Variants in EHBP1 observed in about 807,000 individuals in gnomAD.
EHBP1 encodes EH domain-binding protein 1.
Under a neutral mutation model 144.0 loss-of-function variants are expected in EHBP1, and 55 were observed. That is an observed-to-expected ratio of 0.38 (90% CI 0.31 to 0.48). The LOEUF (loss-of-function observed/expected upper bound fraction) is 0.48. EHBP1 is among the 20% of genes least tolerant of loss of function. The pLI, the probability that EHBP1 is intolerant of heterozygous loss-of-function variation, is 0.98. For missense variants in EHBP1, 1,200 were observed against 1,364.2 expected (o/e 0.88, Z 1.90); for synonymous variants, 469 against 472.7 (o/e 0.99, Z 0.10).
intron 19 of EHBP1, among the ~76,000 whole-genome samples, chr2:63,019,146 T>C (rs1044462263): frequency 2.0e-5 from 3 of 152,168 alleles, no homozygotes; most frequent in Non-Finnish European, 4.4e-5. Context: ...GTTAAAAACA[T>C]AGATTCCCAA....
chr2:62,771,193 G>A (rs1393321118), intron 4 of EHBP1, 146 bp from the exon 5 acceptor site: 1 of 472,170 alleles, frequency 2.1e-6, no homozygotes, highest in Non-Finnish European at 3.7e-6. Flanking sequence ...TAAAAATAAT[G>A]CAAAAGAAAA....
intron 4 of EHBP1, among the ~76,000 whole-genome samples, chr2:62,766,813 C>T (rs1356023589): frequency 6.6e-6 from 1 of 151,932 alleles, no homozygotes; most frequent in Non-Finnish European, 1.5e-5. Context: ...ATTCATCATA[C>T]ATTTATTTGG....
intron 2 of EHBP1, among the ~76,000 whole-genome samples, chr2:62,746,654 G>T (rs1024922692): frequency 6.6e-6 from 1 of 151,912 alleles, no homozygotes; most frequent in African/African-American, 2.4e-5. Context: ...AAGTAATTGC[G>T]GTTTTAGTCG....
At chr2:62,765,739 C>T (rs2041127190) in intron 4 of EHBP1, among the ~76,000 whole-genome samples, 1 of 152,078 alleles carries the variant, frequency 6.6e-6, no homozygotes, top group South Asian at 2.1e-4. Context: ...TATTTTGATA[C>T]TAACTGTGCT....
At chr2:62,827,145 C>G (rs546723863) in intron 6 of EHBP1, among the ~76,000 whole-genome samples, 1 of 152,288 alleles carries the variant, frequency 6.6e-6, no homozygotes. Flanking sequence ...ACTGATTAGA[C>G]TGGATTCTGT....
intron 7 of EHBP1, among the ~76,000 whole-genome samples, chr2:62,853,079 A>G (rs1317439922): frequency 6.6e-6 from 1 of 152,196 alleles, no homozygotes; most frequent in Admixed American, 6.5e-5. Flanking sequence ...TGATAAGCTT[A>G]TCAACTTTTC....
At chr2:62,772,387 A>G in intron 5 of EHBP1, among the ~76,000 whole-genome samples, 1 of 152,198 alleles carries the variant, frequency 6.6e-6, no homozygotes, top group East Asian at 1.9e-4. Context: ...ATTTACTGGG[A>G]ATTAAAGAAG....
chr2:62,953,646 A>G (rs1295719457), intron 13 of EHBP1, among the ~76,000 whole-genome samples: 2 of 152,092 alleles, frequency 1.3e-5, no homozygotes, highest in East Asian at 3.8e-4. Flanking sequence ...GTGAAAAAAA[A>G]AGCATGATTC....
intron 5 of EHBP1, among the ~76,000 whole-genome samples, chr2:62,796,110 A>C (rs1397450163): frequency 6.6e-6 from 1 of 151,890 alleles, no homozygotes; most frequent in Non-Finnish European, 1.5e-5. Context: ...TTCCAATTTA[A>C]AATGGTAATC....
In EHBP1 at chr2:62,941,014, T is replaced by TA. The variant is rs999827529; in HGVS notation, c.1186-1703dup. ...ATAATTGAATCGATGTAATGATAGT[T>TA]ACAGATTATCTGGCCCATGTATGTA... On this transcript the variant is annotated intron_variant, in intron 10 of 22. Coordinates refer to ENST00000431489, the MANE Select transcript of EHBP1 (RefSeq NM_001142616.3). Among the ~76,000 whole-genome samples, 5 of 152,316 alleles carry TA rather than the reference T, an allele frequency of 3.3e-5. No homozygotes were observed. The South Asian group carries it at 8.3e-4, about 25-fold the overall frequency.
chr2:62,924,079 C>G (rs527880864), intron 10 of EHBP1, among the ~76,000 whole-genome samples: 2 of 152,156 alleles, frequency 1.3e-5, no homozygotes, highest in African/African-American at 4.8e-5. Flanking sequence ...GGATCGCCCC[C>G]AGCAAACATG....
chr2:62,732,589 TCTC>T (rs1230267113), intron 2 of EHBP1, among the ~76,000 whole-genome samples: 1 of 152,098 alleles, frequency 6.6e-6, no homozygotes, highest in South Asian at 2.1e-4. Context: ...CTCTCTTCCT[TCTC>T]CTCTGGCCAT....
chr2:62,781,310 A>G (rs1019812571), intron 5 of EHBP1, among the ~76,000 whole-genome samples: 1 of 152,142 alleles, frequency 6.6e-6, no homozygotes, highest in African/African-American at 2.4e-5. Context: ...ATCTCTACCT[A>G]AGATGTTTAT....
At chr2:62,711,606 C>G (rs749485072) in intron 2 of EHBP1, among the ~76,000 whole-genome samples, 1 of 152,084 alleles carries the variant, frequency 6.6e-6, no homozygotes, top group Non-Finnish European at 1.5e-5. Context: ...AGAAAATTTC[C>G]TATGCATTAA....
chr2:62,731,024 G>C (rs2037543865), intron 2 of EHBP1, among the ~76,000 whole-genome samples: 1 of 150,662 alleles, frequency 6.6e-6, no homozygotes, highest in African/African-American at 2.4e-5. Context: ...ACTGCATCTT[G>C]GTAATATTGA....
chr2:62,711,498 C>T (rs754716309), intron 2 of EHBP1, among the ~76,000 whole-genome samples: 8 of 152,148 alleles, frequency 5.3e-5, no homozygotes, highest in Non-Finnish European at 8.8e-5. Context: ...TTGGGACATC[C>T]AGATGGAGAT....
At chr2:62,992,928 G>A (rs757292839) in intron 16 of EHBP1, among the ~76,000 whole-genome samples, 1 of 152,132 alleles carries the variant, frequency 6.6e-6, no homozygotes, top group Non-Finnish European at 1.5e-5. Context: ...ACAGCACCTC[G>A]GTATCTGCAG....
chr2:62,948,530 C>A lies in EHBP1; in HGVS notation c.1684C>A (p.Leu562Ile). Reference protein sequence around the residue: ...ELSDLKREPELQQPISGAVDF... With the variant: ...ELSDLKREPEIQQPISGAVDF... Reference sequence around the variant, plus strand: ...TAGTGATCTGAAGCGGGAGCCTGAACTACAACAGCCTATCAGCGGAGCAGT... The same window carrying A: ...TAGTGATCTGAAGCGGGAGCCTGAAATACAACAGCCTATCAGCGGAGCAGT... The change falls in exon 13 of 23, where the codon CTA (leucine) becomes ATA (isoleucine). Residue 562 changes from leucine to isoleucine, a missense_variant. Coordinates refer to ENST00000431489, the MANE Select transcript of EHBP1 (RefSeq NM_001142616.3). 1 of 1,614,104 alleles carries A rather than the reference C, an allele frequency of 6.2e-7. No individual in the cohort carries two copies. The highest frequency in any genetic ancestry group is 8.5e-7 in the Non-Finnish European group (1 of 1,179,976).
intron 9 of EHBP1, among the ~76,000 whole-genome samples, chr2:62,871,497 T>G (rs2050480709): frequency 6.6e-6 from 1 of 152,246 alleles, no homozygotes; most frequent in African/African-American, 2.4e-5. Flanking sequence ...TAAGCTAATG[T>G]GCAAGTCCAG....
Sources: allele counts gnomAD v4.1 joint callset (sites outside exome capture counted in the v4.1 genomes callset), GRCh38; gene constraint gnomAD v4.1.1; transcripts MANE v1.5; gene names NCBI Gene and HGNC (gene_info 2026-07-23, HGNC 2026-07-21).